The following GRB10 variants were observed in gnomAD, a reference collection of about 807,000 sequenced individuals.
GRB10 encodes growth factor receptor-bound protein 10.
A neutral mutation model predicts 80.9 loss-of-function variants in GRB10; 20 were observed. That is an observed-to-expected ratio of 0.25 (90% CI 0.17 to 0.36). The LOEUF (loss-of-function observed/expected upper bound fraction) is 0.36, where lower values mean the gene tolerates loss of function less well. GRB10 is among the 10% of genes least tolerant of loss of function. GRB10 has a pLI of 1.00. For synonymous variants in GRB10, 291 were observed against 291.5 expected, an observed-to-expected ratio of 1.00 and a Z score of 0.02; for missense variants, 548 against 747.7, an observed-to-expected ratio of 0.73 and a Z score of 3.12.
chr7:50,750,252 T>C (rs558710624), intron 3 of GRB10, among the ~76,000 whole-genome samples: 1 of 152,340 alleles, frequency 6.6e-6, no homozygotes, highest in East Asian at 1.9e-4. Context: ...TTGCAAATTT[T>C]ATCTTCTTTT....
At chr7:50,678,426 C>T (rs1212377394) in intron 5 of GRB10, among the ~76,000 whole-genome samples, 2 of 152,238 alleles carry the variant, frequency 1.3e-5, no homozygotes, top group Non-Finnish European at 2.9e-5. Context: ...AACCTTCATA[C>T]TTTCCAGAGC....
intron 4 of GRB10, among the ~76,000 whole-genome samples, chr7:50,718,388 C>G (rs560663591): frequency 6.6e-6 from 1 of 152,180 alleles, no homozygotes; most frequent in Admixed American, 6.5e-5. Flanking sequence ...TCCTCCTTAT[C>G]CACCTATGAA....
intron 1 of GRB10, among the ~76,000 whole-genome samples, chr7:50,792,236 C>T (rs1037731416): frequency 6.6e-6 from 1 of 151,656 alleles, no homozygotes; most frequent in African/African-American, 2.4e-5. Flanking sequence ...TTGGTCTTTC[C>T]CCCCTCCCCC....
intron 17 of GRB10, among the ~76,000 whole-genome samples, chr7:50,597,145 T>C (rs2046799778): frequency 6.6e-6 from 1 of 152,240 alleles, no homozygotes; most frequent in Admixed American, 6.5e-5. Flanking sequence ...CTCAGAGCCT[T>C]AAATATGTGA....
At chr7:50,595,800 G>A in intron 17 of GRB10, 1 of 401,616 alleles carries the variant, frequency 2.5e-6, no homozygotes, top group South Asian at 2.6e-5. Flanking sequence ...GGTTAGGGCA[G>A]GGAAACTATA....
chr7:50,656,297 G>C (rs540504340), intron 7 of GRB10, among the ~76,000 whole-genome samples: 2 of 152,346 alleles, frequency 1.3e-5, no homozygotes, highest in East Asian at 3.9e-4. Context: ...CTCCGTCCCA[G>C]GGCGATCCTG....
At chr7:50,653,566 C>T (rs2058265819) in intron 7 of GRB10, among the ~76,000 whole-genome samples, 2 of 152,206 alleles carry the variant, frequency 1.3e-5, no homozygotes, top group African/African-American at 4.8e-5. Context: ...CACAACTGCC[C>T]TGCATGTGTT....
At chr7:50,700,684 G>A (rs1237350143) in intron 5 of GRB10, among the ~76,000 whole-genome samples, 2 of 152,048 alleles carry the variant, frequency 1.3e-5, no homozygotes, top group African/African-American at 2.4e-5. Context: ...CTAAATGATC[G>A]ATATTTCCAT....
chr7:50,629,904 C>T (rs1006167651), intron 7 of GRB10, among the ~76,000 whole-genome samples: 41 of 152,344 alleles, frequency 2.7e-4, no homozygotes, highest in African/African-American at 9.4e-4. Flanking sequence ...AAGGTTCTCT[C>T]GAGCAGGTCA....
intron 4 of GRB10, chr7:50,727,003 G>C (rs2068757613): frequency 6.6e-6 from 1 of 152,126 alleles, no homozygotes; most frequent in Non-Finnish European, 1.5e-5. Flanking sequence ...GCGTAGCATT[G>C]GCAGGAGAGA....
chr7:50,720,610 T>G (rs538714879), intron 4 of GRB10, among the ~76,000 whole-genome samples: 4 of 152,122 alleles, frequency 2.6e-5, no homozygotes, highest in African/African-American at 9.7e-5. Flanking sequence ...TCATCCCAAC[T>G]AAACATGCAT....
intron 7 of GRB10, among the ~76,000 whole-genome samples, chr7:50,649,215 A>C (rs905636527): frequency 2.0e-5 from 3 of 152,174 alleles, no homozygotes; most frequent in Non-Finnish European, 4.4e-5. Context: ...AAAACAGAGA[A>C]CAAACAAAAT....
intron 3 of GRB10, among the ~76,000 whole-genome samples, chr7:50,745,095 G>C (rs1189437270): frequency 6.6e-6 from 1 of 151,976 alleles, no homozygotes; most frequent in Non-Finnish European, 1.5e-5. Flanking sequence ...CGGCTATGCT[G>C]TAAGATTTTT....
At chr7:50,757,196 T>C (rs1385303026) in intron 2 of GRB10, among the ~76,000 whole-genome samples, 1 of 152,210 alleles carries the variant, frequency 6.6e-6, no homozygotes, top group African/African-American at 2.4e-5. Flanking sequence ...ATGCCACCCC[T>C]TAGCGGCTGA....
chr7:50,610,723 T>C (rs1346676213), intron 13 of GRB10, among the ~76,000 whole-genome samples: 2 of 152,212 alleles, frequency 1.3e-5, no homozygotes, highest in Non-Finnish European at 2.9e-5. Flanking sequence ...AGTAAAGTGA[T>C]AAAGAATGCC....
chr7:50,598,914 G>T (rs1345898274), intron 17 of GRB10, among the ~76,000 whole-genome samples: 1 of 152,106 alleles, frequency 6.6e-6, no homozygotes, highest in Admixed American at 6.5e-5. Context: ...TGGCACAGCA[G>T]GAAGGCCAGT....
chr7:50,691,598 C>T (rs1022619113), intron 5 of GRB10, among the ~76,000 whole-genome samples: 2 of 152,166 alleles, frequency 1.3e-5, no homozygotes, highest in Non-Finnish European at 2.9e-5. Flanking sequence ...ATCTAATAAA[C>T]TATACTATCA....
chr7:50,646,131 A>T (rs1253035580), intron 7 of GRB10, among the ~76,000 whole-genome samples: 1 of 152,240 alleles, frequency 6.6e-6, no homozygotes, highest in Admixed American at 6.5e-5. Context: ...TCTATTCATA[A>T]TTAGAAAAAG....
At chr7:50,710,895 C>G (rs772603802) in intron 4 of GRB10, 7 of 1,612,730 alleles carry the variant, frequency 4.3e-6, no homozygotes, top group Non-Finnish European at 2.5e-6. Context: ...AACAGAGGGC[C>G]GGCAGCTTGC....
Sources: gnomAD v4.1 joint callset for allele counts (sites outside exome capture counted in the v4.1 genomes callset) on GRCh38, gnomAD v4.1.1 for gene constraint, MANE v1.5 for transcripts, NCBI Gene and HGNC (gene_info 2026-07-23, HGNC 2026-07-21) for gene names.